The following MITF variants were observed in gnomAD, a reference collection of about 807,000 sequenced individuals.
MITF encodes melanocyte inducing transcription factor.
In MITF, 17 loss-of-function variants were observed where a neutral mutation model predicts 60.5. The observed-to-expected ratio is 0.28, with a 90% confidence interval of 0.19 to 0.42. The LOEUF is 0.42. Among genes scored for constraint, MITF ranks in the 10% least tolerant of loss-of-function variants. MITF has a pLI of 1.00. For synonymous variants in MITF, 260 were observed against 248.5 expected (o/e 1.05, Z -0.43); for missense variants, 622 against 683.5 (o/e 0.91, Z 1.00).
At chr3:69,854,067 C>G (rs564337243) in intron 1 of MITF, among the ~76,000 whole-genome samples, 1 of 152,176 alleles carries the variant, frequency 6.6e-6, no homozygotes, top group East Asian at 1.9e-4. Flanking sequence ...TCAGGCTGGT[C>G]TCGAACTCCT....
At chr3:69,819,890 G>A (rs142254454) in intron 1 of MITF, among the ~76,000 whole-genome samples, 12 of 152,272 alleles carry the variant, frequency 7.9e-5, no homozygotes, top group African/African-American at 2.2e-4. Context: ...GCTTGAACCC[G>A]GGAGGTGGAG....
At chr3:69,953,791 C>T (rs2107524777) in intron 7 of MITF, among the ~76,000 whole-genome samples, 1 of 151,828 alleles carries the variant, frequency 6.6e-6, no homozygotes, top group East Asian at 1.9e-4. Context: ...GTTTCCCATC[C>T]TGGGAAGCTT....
chr3:69,892,126 A>T (rs1174366455), intron 2 of MITF, among the ~76,000 whole-genome samples: 1 of 152,220 alleles, frequency 6.6e-6, no homozygotes, highest in East Asian at 1.9e-4. Flanking sequence ...ATGATAAAGT[A>T]CAAATTGATA....
intron 2 of MITF, among the ~76,000 whole-genome samples, chr3:69,886,693 A>G (rs1470622667): frequency 6.6e-6 from 1 of 152,076 alleles, no homozygotes; most frequent in African/African-American, 2.4e-5. Context: ...TATCCTCATG[A>G]GTCTCCACAA....
chr3:69,829,142 G>A (rs1157317022), intron 1 of MITF, among the ~76,000 whole-genome samples: 3 of 152,132 alleles, frequency 2.0e-5, no homozygotes, highest in Admixed American at 6.6e-5. Context: ...ATTTGGGCTT[G>A]CATATTTGTG....
chr3:69,907,496 A>G (rs1170073495), intron 2 of MITF, among the ~76,000 whole-genome samples: 1 of 152,134 alleles, frequency 6.6e-6, no homozygotes, highest in African/African-American at 2.4e-5. Context: ...TGGAGGAGAG[A>G]CTCATGATGG....
chr3:69,967,994 T>C lies in MITF; in HGVS notation c.*2746T>C, dbSNP rs905870443. On this transcript the variant is annotated 3_prime_UTR_variant, in exon 10 of 10. Transcript: ENST00000352241. ...GGTCATACATAGGATGACAAAATTC[T>C]TTCTGGTTGTTTTTAAACAATAAAG... 1 of 233,484 alleles carries C rather than the reference T, an allele frequency of 4.3e-6. No individual in the cohort carries two copies. Among genetic ancestry groups the C allele is most frequent in the African/African-American group, 2.2e-5 (1 of 45,348 alleles). The allele number at this position is 233,484 out of a possible 1,614,324, so 14.5% of individuals were successfully genotyped here.
chr3:69,924,691 A>G (rs1423644993), intron 2 of MITF, among the ~76,000 whole-genome samples: 1 of 152,016 alleles, frequency 6.6e-6, no homozygotes, highest in Admixed American at 6.6e-5. Flanking sequence ...AGTTTGTTCA[A>G]CCTCTCCCCA....
At chr3:69,740,638 G>C (rs1703496879) in intron 1 of MITF, among the ~76,000 whole-genome samples, 1 of 152,136 alleles carries the variant, frequency 6.6e-6, no homozygotes, top group Admixed American at 6.5e-5. Flanking sequence ...TGGACGCCTC[G>C]TACTTCTCGT....
chr3:69,817,188 G>A (rs2063195316), intron 1 of MITF, among the ~76,000 whole-genome samples: 1 of 152,116 alleles, frequency 6.6e-6, no homozygotes, highest in Non-Finnish European at 1.5e-5. Context: ...GCTGTGTGGT[G>A]CAAACATAGG....
At position 69,879,191 on chromosome 3, in the gene MITF, A is replaced by C; in HGVS notation, c.162A>C (p.Thr54=). The C allele has an allele frequency of 6.2e-7, 1 of 1,614,264 alleles. No individual in the cohort carries two copies. Among genetic ancestry groups the C allele is most frequent in the East Asian group, 2.2e-5 (1 of 44,886 alleles). ...CTCCGATAAGCTCCTCCAGTATGAC[A>C]TCACGCATCTTGCTACGCCAGCAAC... ...SKPPISSSSM[T]SRILLRQQLM... The change falls in exon 2 of 10, where the codon ACA becomes ACC. Residue 54 remains threonine (T), a synonymous_variant. Transcript: ENST00000352241.
At chr3:69,812,954 A>C (rs6802804) in intron 1 of MITF, among the ~76,000 whole-genome samples, 24,940 of 152,130 alleles carry the variant, frequency 0.16, 2,209 homozygotes, top group Middle Eastern at 0.21. Flanking sequence ...CTCACATAAA[A>C]CGAATGTGTA....
intron 5 of MITF, among the ~76,000 whole-genome samples, chr3:69,943,128 T>G (rs931058724): frequency 6.6e-6 from 1 of 150,710 alleles, no homozygotes; most frequent in Non-Finnish European, 1.5e-5. Flanking sequence ...CAGGCTGATC[T>G]TGAGCTCCTG....
intron 2 of MITF, among the ~76,000 whole-genome samples, chr3:69,897,920 A>G (rs1453009199): frequency 6.6e-6 from 1 of 152,218 alleles, no homozygotes; most frequent in African/African-American, 2.4e-5. Context: ...ATTCTTACAA[A>G]GATGTTGAAT....
intron 1 of MITF, chr3:69,752,177 G>A (rs1242096413): frequency 2.0e-5 from 3 of 152,252 alleles, no homozygotes; most frequent in East Asian, 3.9e-4. Context: ...CCCAGCCTCC[G>A]GTATTTCTTT....
At chr3:69,870,807 G>A (rs1292377546) in intron 1 of MITF, among the ~76,000 whole-genome samples, 4 of 152,128 alleles carry the variant, frequency 2.6e-5, no homozygotes, top group Non-Finnish European at 5.9e-5. Context: ...CTGGAGACCT[G>A]GGAGATGTTG....
chr3:69,882,634 AG>A (rs1206921221), intron 2 of MITF, among the ~76,000 whole-genome samples: 2 of 152,200 alleles, frequency 1.3e-5, no homozygotes, highest in African/African-American at 2.4e-5. Flanking sequence ...CTGACATGCA[AG>A]TCATGCAAAC....
chr3:69,836,676 A>AT (rs1288987156), intron 1 of MITF, among the ~76,000 whole-genome samples: 1 of 151,710 alleles, frequency 6.6e-6, no homozygotes, highest in Non-Finnish European at 1.5e-5. Flanking sequence ...ACAGGGTGGG[A>AT]TAACAGTCAA....
chr3:69,855,374 G>A (rs1284040299), intron 1 of MITF, among the ~76,000 whole-genome samples: 2 of 151,160 alleles, frequency 1.3e-5, no homozygotes, highest in Non-Finnish European at 2.9e-5. Context: ...AAATACCAAT[G>A]AGTTACAAGA....
Sources: allele counts gnomAD v4.1 joint callset (sites outside exome capture counted in the v4.1 genomes callset), GRCh38; gene constraint gnomAD v4.1.1; transcripts MANE v1.5; gene names NCBI Gene and HGNC (gene_info 2026-07-23, HGNC 2026-07-21).